Variants in USP33 observed in about 807,000 individuals in gnomAD.
USP33 encodes ubiquitin specific peptidase 33.
In USP33, 46 loss-of-function variants were observed where a neutral mutation model predicts 124.2. That is an observed-to-expected ratio of 0.37 (90% CI 0.29 to 0.47). The LOEUF is 0.47. USP33 is among the 20% of genes least tolerant of loss of function. The pLI is 0.99. For missense variants in USP33, 851 were observed against 1,070.6 expected (o/e 0.79, Z 2.86); for synonymous variants, 350 against 352.3 (o/e 0.99, Z 0.07).
intron 1 of USP33, among the ~76,000 whole-genome samples, chr1:77,750,500 TG>T (rs2101600920): frequency 6.6e-6 from 1 of 151,830 alleles, no homozygotes; most frequent in South Asian, 2.1e-4. Context: ...CCCAGCGTGG[TG>T]GTGCACACCT....
At chr1:77,710,794 T>C (rs1675161998) in intron 21 of USP33, among the ~76,000 whole-genome samples, 1 of 152,228 alleles carries the variant, frequency 6.6e-6, no homozygotes, top group Non-Finnish European at 1.5e-5. Context: ...CATAATAGTG[T>C]CTCAGTAGAT....
chr1:77,712,510 G>T (rs754587185), intron 20 of USP33, among the ~76,000 whole-genome samples: 1 of 151,764 alleles, frequency 6.6e-6, no homozygotes, highest in African/African-American at 2.4e-5. Flanking sequence ...GCGACAGAGC[G>T]AGACTCCATC....
At chr1:77,732,679 T>A (rs2101490872) in intron 7 of USP33, among the ~76,000 whole-genome samples, 1 of 152,212 alleles carries the variant, frequency 6.6e-6, no homozygotes, top group South Asian at 2.1e-4. Flanking sequence ...TGTCAAGCTC[T>A]TTCCCATCCC....
chr1:77,737,087 G>A (rs949496162), intron 5 of USP33, among the ~76,000 whole-genome samples: 1 of 149,920 alleles, frequency 6.7e-6, no homozygotes, highest in African/African-American at 2.4e-5. Context: ...TAAAAAATTC[G>A]GAGACGACAA....
intron 10 of USP33, 86 bp downstream of exon 10, chr1:77,728,209 G>T: frequency 7.4e-7 from 1 of 1,360,334 alleles, no homozygotes; most frequent in Non-Finnish European, 1.0e-6. Flanking sequence ...ATTCTAATTA[G>T]AAATACCCAA....
intron 18 of USP33, 69 bp from the exon 19 acceptor site, chr1:77,714,852 T>C: frequency 6.6e-7 from 1 of 1,514,210 alleles, no homozygotes; most frequent in Non-Finnish European, 9.0e-7. Flanking sequence ...GGATTTTTCT[T>C]CTTATTAGAC....
At position 77,721,815 on chromosome 1, in the gene USP33, ATATTATAT is replaced by A; in HGVS notation, c.1657+8_1657+15del. ...TTTACCTACAAAAATTTAGCCATAG[ATATTATAT>A]TTCTTACCTTTTAGTTCATCTCTGG... On this transcript the variant is annotated splice_region_variant and intron_variant, in intron 14 of 23. Coordinates refer to ENST00000370794, the MANE Select transcript of USP33 (RefSeq NM_201624.3). 6.3e-7 allele frequency: 1 copy of A among 1,596,316 alleles called. No individual in the cohort carries two copies. Among genetic ancestry groups the A allele is most frequent in the African/African-American group, 1.4e-5 (1 of 73,708 alleles).
intron 1 of USP33, among the ~76,000 whole-genome samples, chr1:77,749,190 T>C (rs941647790): frequency 1.3e-5 from 2 of 152,220 alleles, no homozygotes; most frequent in Admixed American, 1.3e-4. Context: ...TGTTTACTCA[T>C]TCCCAATCTT....
chr1:77,748,492 A>G (rs1304150811), intron 1 of USP33, among the ~76,000 whole-genome samples: 1 of 152,058 alleles, frequency 6.6e-6, no homozygotes, highest in Admixed American at 6.6e-5. Context: ...AATATGGTGA[A>G]ACCCCATCTC....
At position 77,750,624 on chromosome 1, in the gene USP33, A is replaced by AAAAGAAAC. The variant is rs1469933007; in HGVS notation, c.-51-8877_-51-8876insGTTTCTTT. Among the ~76,000 whole-genome samples the AAAAGAAAC allele has an allele frequency of 6.3e-3, 774 of 123,386 alleles. 5 individuals are homozygous for AAAAGAAAC. The highest frequency in any genetic ancestry group is 0.017 in the African/African-American group (528 of 31,582). 80.9% of individuals were successfully genotyped at this position (123,386 alleles called of 152,430 possible). A position where few individuals can be genotyped will look rare whatever the true frequency, so the allele number is the denominator to read the frequency against. On this transcript the variant is annotated intron_variant, in intron 1 of 23. Coordinates refer to ENST00000370794, the MANE Select transcript of USP33 (RefSeq NM_201624.3). ...GCAACACAGCAAGACCCTGACTTAAAAAAGAAAGAAAGAAAGAAAGAAAGA... is the reference window on the plus strand; with the variant it reads ...GCAACACAGCAAGACCCTGACTTAAAAAAGAAACAAAGAAAGAAAGAAAGAAAGAAAGA...
rs1676112818 is a variant in USP33 at position 77,717,961 on chromosome 1, G to A, written c.1824C>T (p.Gly608=). The A allele has an allele frequency of 9.3e-6, 15 of 1,613,982 alleles. No individual in the cohort carries two copies. The highest frequency in any genetic ancestry group is 1.2e-5 in the Non-Finnish European group (14 of 1,179,928). Residue 608 remains glycine (G), a synonymous_variant, in exon 17 of 24, where the codon GGC becomes GGT. Coordinates refer to ENST00000370794, the MANE Select transcript of USP33 (RefSeq NM_201624.3). ...ISTHVSFPLE[G]LDLQPFLAKD... is the part of the protein sequence containing the mutation. Reference sequence around the variant, plus strand: ...TAGCAAGAAATGGCTGAAGATCCAAGCCTTCTAGCGGAAATGAAACATGGG... The same window carrying A: ...TAGCAAGAAATGGCTGAAGATCCAAACCTTCTAGCGGAAATGAAACATGGG...
chr1:77,754,419 T>C (rs1448521231), intron 1 of USP33, among the ~76,000 whole-genome samples: 1 of 152,172 alleles, frequency 6.6e-6, no homozygotes, highest in Non-Finnish European at 1.5e-5. Context: ...TGGAAGGAAG[T>C]TATCAATGAA....
intron 15 of USP33, chr1:77,720,332 T>C (rs1415793698): frequency 4.1e-6 from 4 of 985,284 alleles, no homozygotes; most frequent in Non-Finnish European, 4.8e-6. Flanking sequence ...GTTATCTTTT[T>C]CTTAGTATGC....
At chr1:77,742,808 G>T (rs974040062) in intron 1 of USP33, among the ~76,000 whole-genome samples, 2 of 151,864 alleles carry the variant, frequency 1.3e-5, no homozygotes, top group Admixed American at 1.3e-4. Context: ...TTTCCTTTGT[G>T]GTTTATAAGT....
At chr1:77,741,826 T>G in intron 1 of USP33, 78 bp from the exon 2 acceptor site, 3 of 1,301,890 alleles carry the variant, frequency 2.3e-6, no homozygotes, top group Non-Finnish European at 3.1e-6. Flanking sequence ...ATAAAAAAAT[T>G]AAAATGTTAA....
At chr1:77,702,298 T>C (rs1249186047) in intron 21 of USP33, among the ~76,000 whole-genome samples, 2 of 151,870 alleles carry the variant, frequency 1.3e-5, no homozygotes, top group Non-Finnish European at 2.9e-5. Context: ...GCATAAAGAC[T>C]GGGTAAATGA....
intron 10 of USP33, among the ~76,000 whole-genome samples, chr1:77,726,526 G>A (rs930978812): frequency 1.3e-5 from 2 of 151,806 alleles, no homozygotes. Flanking sequence ...TACACCTGTA[G>A]TGCTGGCTAC....
intron 15 of USP33, chr1:77,720,241 A>T (rs1472443274): frequency 1.2e-6 from 1 of 827,914 alleles, no homozygotes; most frequent in Admixed American, 6.7e-5. Context: ...GGTTATTATT[A>T]TATAATCAAA....
In USP33 at chr1:77,759,385, C is replaced by T. The variant is rs151093622; in HGVS notation, c.-52+258G>A. On this transcript the variant is annotated intron_variant, in intron 1 of 23. Coordinates refer to ENST00000370794, the MANE Select transcript of USP33 (RefSeq NM_201624.3). ...CTTCCAGGGAAGAACCCCTGAGGACCCTTCCTCAAATCAACGACCGGTTCC... is the reference window on the plus strand; with the variant it reads ...CTTCCAGGGAAGAACCCCTGAGGACTCTTCCTCAAATCAACGACCGGTTCC... 547 of 390,010 alleles carry T rather than the reference C, an allele frequency of 1.4e-3. 3 individuals are homozygous for T. The highest frequency in any genetic ancestry group is 0.011 in the African/African-American group (513 of 48,480). 24.2% of individuals were successfully genotyped at this position (390,010 alleles called of 1,614,324 possible). A position where few individuals can be genotyped will look rare whatever the true frequency, so the allele number is the denominator to read the frequency against.
Sources: gnomAD v4.1 joint callset for allele counts (sites outside exome capture counted in the v4.1 genomes callset) on GRCh38, gnomAD v4.1.1 for gene constraint, MANE v1.5 for transcripts, NCBI Gene and HGNC (gene_info 2026-07-23, HGNC 2026-07-21) for gene names.